The following SHPRH variants were observed in gnomAD, a reference collection of about 807,000 sequenced individuals.
SHPRH encodes the protein SNF2 histone linker PHD RING helicase.
A neutral mutation model predicts 202.5 loss-of-function variants in SHPRH; 106 were observed. That is an observed-to-expected ratio of 0.52 (90% CI 0.45 to 0.62). SHPRH has a LOEUF of 0.62. Among genes scored for constraint, SHPRH ranks in the 20% least tolerant of loss-of-function variants. The pLI, the probability that SHPRH is intolerant of heterozygous loss-of-function variation, is 0.00. For synonymous variants in SHPRH, 729 were observed against 686.0 expected, an observed-to-expected ratio of 1.06 and a Z score of -0.98; for missense variants, 1,710 against 2,020.0, an observed-to-expected ratio of 0.85 and a Z score of 2.94.
chr6:145,958,332 C>G (rs1788719059), intron 1 of SHPRH, among the ~76,000 whole-genome samples: 1 of 151,884 alleles, frequency 6.6e-6, no homozygotes, highest in South Asian at 2.1e-4. Flanking sequence ...AGAGCAAAAA[C>G]AAAAAGATGC....
At chr6:145,943,880 T>G (rs1787076108) in intron 8 of SHPRH, 78 bp from the exon 9 acceptor site, 1 of 1,299,674 alleles carries the variant, frequency 7.7e-7, no homozygotes, top group South Asian at 1.5e-5. Flanking sequence ...ATGTAAGTAC[T>G]TCATATAATT....
rs180925371 is a variant in SHPRH, at chr6:145,957,209, A to C, written c.-32-1855T>G. Among the ~76,000 whole-genome samples, 345 of 152,258 alleles carry C rather than the reference A, an allele frequency of 2.3e-3. 2 individuals carry two copies. The highest frequency in any genetic ancestry group is 8.1e-3 in the African/African-American group (336 of 41,574). On this transcript the variant is annotated intron_variant, in intron 1 of 29. Transcript: ENST00000275233. ...TCCTAAAATGTAAGAATTAACTAAA[A>C]ATAGATAATAAACTATAAAAGCTAA...
intron 16 of SHPRH, among the ~76,000 whole-genome samples, 179 bp downstream of exon 16, chr6:145,926,025 A>G (rs1016727395): frequency 5.3e-5 from 8 of 152,002 alleles, no homozygotes; most frequent in African/African-American, 1.9e-4. Flanking sequence ...GAAGCCAAAT[A>G]ATACGTACTG....
the SHPRH span, among the ~76,000 whole-genome samples, chr6:145,859,111 C>T: frequency 6.6e-6 from 1 of 151,968 alleles, no homozygotes; most frequent in African/African-American, 2.4e-5. Flanking sequence ...CAAAACTTTT[C>T]CTTGGGAGAT....
chr6:145,930,394 TTTC>T (rs1391849804), intron 14 of SHPRH, among the ~76,000 whole-genome samples: 2 of 152,180 alleles, frequency 1.3e-5, no homozygotes, highest in Middle Eastern at 3.2e-3. Context: ...ATGCTATGAA[TTTC>T]TTTTTAATAA....
At chr6:145,949,977 G>A (rs1223840461) in intron 4 of SHPRH, among the ~76,000 whole-genome samples, 4 of 152,004 alleles carry the variant, frequency 2.6e-5, no homozygotes, top group African/African-American at 9.7e-5. Context: ...TTCTTTGTTT[G>A]AAAGGAATGT....
chr6:145,923,519 G>T (rs1784606737), intron 18 of SHPRH, 124 bp downstream of exon 18: 2 of 1,173,290 alleles, frequency 1.7e-6, no homozygotes, highest in Non-Finnish European at 2.3e-6. Flanking sequence ...GTATGAATGT[G>T]TCTGTATAGG....
At chr6:145,958,426 A>G (rs1469407021) in intron 1 of SHPRH, among the ~76,000 whole-genome samples, 2 of 152,202 alleles carry the variant, frequency 1.3e-5, no homozygotes, top group African/African-American at 4.8e-5. Flanking sequence ...TTATAAAGTG[A>G]TAAAATTTTG....
At chr6:145,951,897 C>A in intron 3 of SHPRH, 1 of 455,924 alleles carries the variant, frequency 2.2e-6, no homozygotes, top group South Asian at 1.5e-5. Context: ...AACTCTGAAT[C>A]TGCAGTCCTG....
At chr6:145,889,629 T>C (rs1247298812) in intron 28 of SHPRH, among the ~76,000 whole-genome samples, 1 of 152,188 alleles carries the variant, frequency 6.6e-6, no homozygotes, top group African/African-American at 2.4e-5. Flanking sequence ...AGAATTTGTA[T>C]ATGAAACATA....
In SHPRH at chr6:145,933,059, T is replaced by C; in HGVS notation, c.3110A>G (p.Lys1037Arg). ...LNGLAGIHII[K>R]GEYALAAELY... is the part of the protein sequence containing the mutation. ...GAGATAAAGCAATCACCTTCTACCT[T>C]TAATAATATGAATGCCTGCTAAGCC... The change falls in exon 14 of 30, where the codon AAA becomes AGA. Residue 1037 changes from lysine (K) to arginine (R), a missense_variant and splice_region_variant. Transcript: ENST00000275233. 6.2e-7 allele frequency: 1 copy of C among 1,613,622 alleles called. No individual in the cohort carries two copies. The highest frequency in any genetic ancestry group is 8.5e-7 in the Non-Finnish European group (1 of 1,179,736).
intron 2 of SHPRH, among the ~76,000 whole-genome samples, chr6:145,866,405 T>C (rs1056953332): frequency 6.6e-6 from 1 of 152,244 alleles, no homozygotes; most frequent in African/African-American, 2.4e-5. Flanking sequence ...TCTACATTTC[T>C]GGGATTAAAC....
chr6:145,923,061 C>G (rs1162782144), intron 18 of SHPRH, among the ~76,000 whole-genome samples: 1 of 150,998 alleles, frequency 6.6e-6, no homozygotes, highest in Admixed American at 6.6e-5. Flanking sequence ...GTCCTGTGCT[C>G]AGGAACTGAA....
At chr6:145,925,577 A>C (rs1784805137) in intron 16 of SHPRH, among the ~76,000 whole-genome samples, 1 of 151,918 alleles carries the variant, frequency 6.6e-6, no homozygotes, top group South Asian at 2.1e-4. Flanking sequence ...CTGTTGACTC[A>C]AATAAAGCCT....
At position 145,941,614 on chromosome 6, in the gene SHPRH, A is replaced by C; in HGVS notation, c.2490+9T>G. The C allele has an allele frequency of 6.2e-7, 1 of 1,612,128 alleles. No individual in the cohort carries two copies. The highest frequency in any genetic ancestry group is 8.5e-7 in the Non-Finnish European group (1 of 1,178,674). ...CCCAGCCCTCAAAAGATTTTGCAGA[A>C]ACTCTCACTTTTACTGTGGGACACT... On this transcript the variant is annotated intron_variant, in intron 10 of 29. Coordinates refer to ENST00000275233, the MANE Select transcript of SHPRH (RefSeq NM_001042683.3).
In SHPRH at chr6:145,918,185, T is replaced by C; in HGVS notation, c.4200A>G (p.Thr1400=). The C allele has an allele frequency of 1.2e-6, 2 of 1,606,944 alleles. No individual in the cohort carries two copies. The highest frequency in any genetic ancestry group is 1.7e-6 in the Non-Finnish European group (2 of 1,176,542). The change falls in exon 23 of 30, where the codon ACA becomes ACG. Residue 1400 remains threonine (T), a synonymous_variant. Coordinates refer to ENST00000275233, the MANE Select transcript of SHPRH (RefSeq NM_001042683.3). ...IKLLNDKAVA[T]SQLQKKLGQL... is the part of the protein sequence containing the mutation. Reference sequence around the variant, plus strand: ...GCCCAAGTTTTTTCTGAAGCTGTGATGTAGCAACAGCTTTATCATTTAGTA... The same window carrying C: ...GCCCAAGTTTTTTCTGAAGCTGTGACGTAGCAACAGCTTTATCATTTAGTA...
intron 25 of SHPRH, 51 bp downstream of exon 25, chr6:145,910,397 C>CTATAT: frequency 1.3e-6 from 2 of 1,578,132 alleles, no homozygotes; most frequent in Middle Eastern, 1.7e-4. Flanking sequence ...ATACTGCTTC[C>CTATAT]TATATTATAT....
At position 145,885,350 on chromosome 6, in the gene SHPRH, T is replaced by C. The variant is rs754859180; in HGVS notation, c.*1341A>G. On this transcript the variant is annotated 3_prime_UTR_variant, in exon 30 of 30. Transcript: ENST00000275233. ...AGAATAAGCACCAAAAGCATGTGTGTGTTTTCTTCAGTTGAATTACATCAC... is the reference window on the plus strand; with the variant it reads ...AGAATAAGCACCAAAAGCATGTGTGCGTTTTCTTCAGTTGAATTACATCAC... 6.6e-6 allele frequency: 1 copy of C among 152,588 alleles called. No individual in the cohort carries two copies. The highest frequency in any genetic ancestry group is 1.5e-5 in the Non-Finnish European group (1 of 68,046). 9.5% of individuals were successfully genotyped at this position (152,588 alleles called of 1,614,324 possible). A position where few individuals can be genotyped will look rare whatever the true frequency, so the allele number is the denominator to read the frequency against.
intron 22 of SHPRH, 59 bp from the exon 23 acceptor site, chr6:145,918,291 T>C: frequency 9.1e-7 from 1 of 1,101,466 alleles, no homozygotes; most frequent in Non-Finnish European, 1.2e-6. Context: ...TAAATTATAT[T>C]AAATATGGAC....
Sources: allele counts gnomAD v4.1 joint callset (sites outside exome capture counted in the v4.1 genomes callset), GRCh38; gene constraint gnomAD v4.1.1; transcripts MANE v1.5; gene names NCBI Gene and HGNC (gene_info 2026-07-23, HGNC 2026-07-21).